Variants in BRINP1 observed in about 807,000 individuals in gnomAD.
BRINP1 encodes the protein BMP/retinoic acid-inducible neural-specific protein 1.
Under a neutral mutation model 72.9 loss-of-function variants are expected in BRINP1, and 17 were observed. That is an observed-to-expected ratio of 0.23 (90% confidence interval 0.16 to 0.35). The LOEUF (loss-of-function observed/expected upper bound fraction) is 0.35. Ranked by LOEUF, BRINP1 falls within the 10% of genes least tolerant of loss-of-function variation. The pLI, the probability that BRINP1 is intolerant of heterozygous loss-of-function variation, is 1.00. For synonymous variants in BRINP1, 418 were observed against 378.5 expected, an observed-to-expected ratio of 1.10 and a Z score of -1.21; for missense variants, 850 against 1,001.6, an observed-to-expected ratio of 0.85 and a Z score of 2.04.
intron 2 of BRINP1, among the ~76,000 whole-genome samples, chr9:119,301,199 C>T (rs1416212832): frequency 1.3e-5 from 2 of 152,208 alleles, no homozygotes; most frequent in East Asian, 3.9e-4. Context: ...GTCTCCTTGT[C>T]TTCCAGGGCT....
At chr9:119,236,789 T>TTTTTCTGTCTACTCTTTTTTCTGCTACTC (rs1308836830) in intron 5 of BRINP1, among the ~76,000 whole-genome samples, 3 of 152,176 alleles carry the variant, frequency 2.0e-5, no homozygotes, top group Non-Finnish European at 4.4e-5. Context: ...TGTCTACTCT[T>TTTTTCTGTCTACTCTTTTTTCTGCTACTC]TTTTCTGTCT....
intron 1 of BRINP1, among the ~76,000 whole-genome samples, chr9:119,361,740 C>A (rs1286401186): frequency 6.6e-6 from 1 of 151,454 alleles, no homozygotes; most frequent in African/African-American, 2.4e-5. Context: ...CCTACCTCAG[C>A]CTCCCAGGTA....
intron 6 of BRINP1, among the ~76,000 whole-genome samples, chr9:119,210,650 G>T (rs1431136152): frequency 6.6e-6 from 1 of 152,076 alleles, no homozygotes; most frequent in African/African-American, 2.4e-5. Context: ...TACATTAGGA[G>T]AAAACAGTAA....
intron 2 of BRINP1, among the ~76,000 whole-genome samples, chr9:119,275,268 C>G (rs1830645272): frequency 1.3e-5 from 2 of 152,208 alleles, no homozygotes; most frequent in African/African-American, 4.8e-5. Flanking sequence ...CCAGGAGATA[C>G]TGTAGTTTGT....
intron 7 of BRINP1, among the ~76,000 whole-genome samples, chr9:119,197,400 T>C (rs1381910872): frequency 6.6e-6 from 1 of 152,222 alleles, no homozygotes; most frequent in East Asian, 1.9e-4. Flanking sequence ...GATAGGGTTG[T>C]CATAAGGATT....
intron 5 of BRINP1, among the ~76,000 whole-genome samples, chr9:119,215,021 T>C (rs938782617): frequency 1.3e-5 from 2 of 152,194 alleles, no homozygotes; most frequent in Admixed American, 6.5e-5. Context: ...TAGGTACACA[T>C]TGGTAGTTTT....
rs541778995 is a variant in BRINP1 at position 119,213,589 on chromosome 9, C to T, written c.922+330G>A. 116 of 520,346 alleles carry T rather than the reference C, an allele frequency of 2.2e-4. 2 individuals carry two copies. In the South Asian group the frequency reaches 2.8e-3, roughly 13 times the overall value. The allele number at this position is 520,346 out of a possible 1,614,324, so 32.2% of individuals were successfully genotyped here. On this transcript the variant is annotated intron_variant, in intron 6 of 7. Coordinates refer to ENST00000265922, the MANE Select transcript of BRINP1 (RefSeq NM_014618.3). Reference sequence around the variant, plus strand: ...ACACACAAATATCCACACACACATACACAGCCCAAGGAATCAATACAACTA... The same window carrying T: ...ACACACAAATATCCACACACACATATACAGCCCAAGGAATCAATACAACTA...
At chr9:119,271,808 AAC>A (rs1830608582) in intron 2 of BRINP1, among the ~76,000 whole-genome samples, 1 of 151,842 alleles carries the variant, frequency 6.6e-6, no homozygotes, top group South Asian at 2.1e-4. Flanking sequence ...TAAACACACA[AAC>A]ACGTGCAAAT....
intron 2 of BRINP1, among the ~76,000 whole-genome samples, chr9:119,287,486 T>C (rs887122685): frequency 2.0e-5 from 3 of 152,314 alleles, no homozygotes; most frequent in East Asian, 1.9e-4. Context: ...AGAGTACTTA[T>C]GATAACTCAA....
chr9:119,320,075 A>C (rs535590983), intron 1 of BRINP1, among the ~76,000 whole-genome samples: 1,859 of 152,312 alleles, frequency 0.012, 29 homozygotes, highest in African/African-American at 0.042. Context: ...AGTACTTGAG[A>C]AGGGTTTCAA....
chr9:119,358,764 T>G (rs918076799), intron 1 of BRINP1, among the ~76,000 whole-genome samples: 1 of 152,246 alleles, frequency 6.6e-6, no homozygotes, highest in African/African-American at 2.4e-5. Context: ...TTTCTGCCTT[T>G]ATGGTAGGTG....
intron 1 of BRINP1, among the ~76,000 whole-genome samples, chr9:119,340,555 G>A (rs1831396150): frequency 6.6e-6 from 1 of 152,162 alleles, no homozygotes; most frequent in African/African-American, 2.4e-5. Context: ...CTGAAAAAGG[G>A]TACAGGATTT....
intron 2 of BRINP1, among the ~76,000 whole-genome samples, chr9:119,288,832 C>A (rs1035578718): frequency 1.3e-5 from 2 of 151,986 alleles, no homozygotes; most frequent in Non-Finnish European, 2.9e-5. Flanking sequence ...ACTCTTGTTG[C>A]CCAGGCTGGA....
chr9:119,294,582 A>G (rs1490169566), intron 2 of BRINP1, among the ~76,000 whole-genome samples: 2 of 145,366 alleles, frequency 1.4e-5, no homozygotes, highest in Non-Finnish European at 3.0e-5. Context: ...AAGACACAGA[A>G]AGGCTGGGTG....
intron 2 of BRINP1, among the ~76,000 whole-genome samples, chr9:119,290,637 A>G (rs1000719394): frequency 4.6e-5 from 7 of 152,164 alleles, no homozygotes; most frequent in African/African-American, 1.7e-4. Flanking sequence ...AGTTGTTGGA[A>G]TGTAGGTGAT....
intron 1 of BRINP1, among the ~76,000 whole-genome samples, chr9:119,314,197 A>AG: frequency 6.6e-6 from 1 of 152,236 alleles, no homozygotes; most frequent in East Asian, 1.9e-4. Flanking sequence ...TCATTTTGTC[A>AG]GGGGGTCTCG....
intron 2 of BRINP1, among the ~76,000 whole-genome samples, chr9:119,272,139 C>T (rs1057033158): frequency 1.8e-4 from 27 of 149,572 alleles, no homozygotes; most frequent in African/African-American, 6.1e-4. Flanking sequence ...AGTGCAGTGG[C>T]GCGATCTTGG....
chr9:119,275,785 A>G (rs114158584), intron 2 of BRINP1, among the ~76,000 whole-genome samples: 1 of 152,180 alleles, frequency 6.6e-6, no homozygotes, highest in Non-Finnish European at 1.5e-5. Flanking sequence ...TGCTCTACTA[A>G]TGGCTCATAT....
intron 1 of BRINP1, among the ~76,000 whole-genome samples, chr9:119,340,413 G>GA (rs796687960): frequency 0.018 from 2,656 of 147,024 alleles, 98 homozygotes; most frequent in African/African-American, 0.063. Flanking sequence ...ACCTCTGAGG[G>GA]AAAAAAAAAA....
Sources: gnomAD v4.1 joint callset for allele counts (sites outside exome capture counted in the v4.1 genomes callset) on GRCh38, gnomAD v4.1.1 for gene constraint, MANE v1.5 for transcripts, NCBI Gene and HGNC (gene_info 2026-07-23, HGNC 2026-07-21) for gene names.